Variants in GALNT10 observed in about 807,000 individuals in gnomAD.
GALNT10 encodes the protein polypeptide N-acetylgalactosaminyltransferase 10.
In GALNT10, 41 loss-of-function variants were observed where a neutral mutation model predicts 75.0. The observed-to-expected ratio is 0.55, with a 90% CI of 0.43 to 0.71. The LOEUF is 0.71. GALNT10 is among the 30% of genes least tolerant of loss of function. GALNT10 has a pLI of 0.00. For synonymous variants in GALNT10, 302 were observed against 313.0 expected (o/e 0.96, Z 0.37); for missense variants, 727 against 818.5 (o/e 0.89, Z 1.36).
chr5:154,320,076 C>A (rs878992316), intron 3 of GALNT10, among the ~76,000 whole-genome samples: 7 of 152,134 alleles, frequency 4.6e-5, no homozygotes, highest in Non-Finnish European at 5.9e-5. Context: ...AAACAAAGAA[C>A]CTCTACTAAG....
At chr5:154,245,285 G>A (rs114847921) in intron 1 of GALNT10, among the ~76,000 whole-genome samples, 3,219 of 152,276 alleles carry the variant, frequency 0.021, 46 homozygotes, top group Non-Finnish European at 0.031. Context: ...GTCACCAGTC[G>A]GATACGGGGA....
intron 1 of GALNT10, among the ~76,000 whole-genome samples, chr5:154,240,980 A>T (rs1303412134): frequency 6.6e-6 from 1 of 152,232 alleles, no homozygotes; most frequent in Non-Finnish European, 1.5e-5. Flanking sequence ...TGCATTTAGT[A>T]CAGCTTTCCA....
chr5:154,219,728 C>G (rs1752941461), intron 1 of GALNT10: 1 of 149,658 alleles, frequency 6.7e-6, no homozygotes, highest in Non-Finnish European at 1.5e-5. Context: ...TCTCAGTGAT[C>G]TTTCCAAGCC....
chr5:154,344,250 C>T (rs1367307035), intron 4 of GALNT10, among the ~76,000 whole-genome samples: 1 of 147,062 alleles, frequency 6.8e-6, no homozygotes, highest in Non-Finnish European at 1.5e-5. Context: ...CTCTGTCTGT[C>T]GCCCAGGCTG....
At chr5:154,347,303 G>C in intron 4 of GALNT10, 1 of 457,874 alleles carries the variant, frequency 2.2e-6, no homozygotes, top group Non-Finnish European at 4.2e-6. Flanking sequence ...TTTGGATCAA[G>C]AGTGATACAC....
intron 1 of GALNT10, among the ~76,000 whole-genome samples, chr5:154,222,715 G>C (rs988486046): frequency 6.6e-6 from 1 of 152,192 alleles, no homozygotes; most frequent in Admixed American, 6.5e-5. Context: ...CTGCCATGAA[G>C]AGCATCTCTT....
chr5:154,198,025 G>A (rs956524464), intron 1 of GALNT10, among the ~76,000 whole-genome samples: 1 of 152,184 alleles, frequency 6.6e-6, no homozygotes, highest in Non-Finnish European at 1.5e-5. Flanking sequence ...AGGTGAGAGG[G>A]ACCATTGCCC....
intron 3 of GALNT10, among the ~76,000 whole-genome samples, chr5:154,304,838 T>C (rs575156042): frequency 6.6e-6 from 1 of 152,328 alleles, no homozygotes; most frequent in East Asian, 1.9e-4. Context: ...AAGTATACAA[T>C]ATCATCTGAA....
chr5:154,203,812 C>T (rs865980589), intron 1 of GALNT10, among the ~76,000 whole-genome samples: 2 of 152,204 alleles, frequency 1.3e-5, no homozygotes, highest in African/African-American at 4.8e-5. Flanking sequence ...GGGCTTCCTC[C>T]TCTTTCGAAA....
In GALNT10 at chr5:154,298,010, A is replaced by C; in HGVS notation, c.332A>C (p.Asn111Thr). 6.2e-7 allele frequency: 1 copy of C among 1,613,550 alleles called. No individual in the cohort carries two copies. The highest frequency in any genetic ancestry group is 8.5e-7 in the Non-Finnish European group (1 of 1,179,454). The change falls in exon 3 of 12, where the codon AAT becomes ACT. Residue 111 changes from asparagine to threonine, a missense_variant. Transcript: ENST00000297107. This position sits in a 1 kb window ranked among gnomAD's most constrained non-coding sequence, Gnocchi z 4.1. ...AGAGTGGATCAGGCATACCGAGAAA[A>C]TGGATTTAACATCTACGTCAGTGAT... Reference protein sequence around the residue: ...AERVDQAYRENGFNIYVSDKI... With the variant: ...AERVDQAYRETGFNIYVSDKI...
chr5:154,327,686 A>G (rs1370476845), intron 3 of GALNT10, among the ~76,000 whole-genome samples: 1 of 152,238 alleles, frequency 6.6e-6, no homozygotes, highest in East Asian at 1.9e-4. Context: ...TGCCTTTCCT[A>G]TACTTTGGGG....
At chr5:154,231,969 C>T (rs771158064) in intron 1 of GALNT10, among the ~76,000 whole-genome samples, 2 of 152,190 alleles carry the variant, frequency 1.3e-5, no homozygotes, top group Non-Finnish European at 2.9e-5. Flanking sequence ...GTCACATGTC[C>T]TCACTGTATA....
chr5:154,368,575 A>T (rs1236832335), intron 4 of GALNT10, among the ~76,000 whole-genome samples: 1 of 152,208 alleles, frequency 6.6e-6, no homozygotes, highest in Non-Finnish European at 1.5e-5. Flanking sequence ...AAAGGAAAAC[A>T]AAGGTCCTCT....
At chr5:154,224,519 A>G (rs1459662133) in intron 1 of GALNT10, among the ~76,000 whole-genome samples, 9 of 152,376 alleles carry the variant, frequency 5.9e-5, no homozygotes, top group African/African-American at 2.2e-4. Flanking sequence ...TAATTCTGAT[A>G]AATGAGGTGG....
intron 1 of GALNT10, among the ~76,000 whole-genome samples, chr5:154,286,457 T>C (rs1301837006): frequency 6.6e-6 from 1 of 152,178 alleles, no homozygotes; most frequent in Non-Finnish European, 1.5e-5. Flanking sequence ...ATTGTTCTTT[T>C]AGAATGGAAG....
rs763537693 is a variant in GALNT10 at position 154,219,834 on chromosome 5, T to TCACACACA, written c.159+28810_159+28811insACACACAC. ...CGCGCTCTCTCTCTCTCTCTCTCTC[T>TCACACACA]CTCTCACACACACACACACACACAC... is the stretch of plus-strand genomic sequence containing the variant. On this transcript the variant is annotated intron_variant, in intron 1 of 11. Transcript: ENST00000297107. 7.5e-3 allele frequency among the ~76,000 whole-genome samples: 974 copies of TCACACACA among 129,674 alleles called. 13 individuals carry two copies. The highest frequency in any genetic ancestry group is 0.059 in the East Asian group (222 of 3,752). 85.1% of individuals were successfully genotyped at this position (129,674 alleles called of 152,430 possible).
At position 154,297,999 on chromosome 5, in the gene GALNT10, A is replaced by G. The variant is rs1487081331; in HGVS notation, c.321A>G (p.Ala107=). The change falls in exon 3 of 12, where the codon GCA becomes GCG. Residue 107 remains alanine (A), a synonymous_variant. Coordinates refer to ENST00000297107, the MANE Select transcript of GALNT10 (RefSeq NM_198321.4). ...PMTDAERVDQ[A]YRENGFNIYV... ...CCGATGCTGAGAGAGTGGATCAGGC[A>G]TACCGAGAAAATGGATTTAACATCT... is the stretch of plus-strand genomic sequence containing the variant. 1.1e-5 allele frequency: 18 copies of G among 1,613,358 alleles called. 1 individual carries two copies. The Admixed American group carries it at 2.2e-4, about 19-fold the overall frequency.
chr5:154,293,736 C>T (rs1754234529), intron 1 of GALNT10, among the ~76,000 whole-genome samples: 1 of 151,886 alleles, frequency 6.6e-6, no homozygotes, highest in Admixed American at 6.6e-5. Flanking sequence ...CTGCCATCTG[C>T]TTTTGCTTGC....
intron 4 of GALNT10, among the ~76,000 whole-genome samples, chr5:154,351,334 T>C (rs766319624): frequency 5.9e-5 from 9 of 152,212 alleles, no homozygotes; most frequent in Non-Finnish European, 8.8e-5. Context: ...CAAACCACTC[T>C]AGTGTGCAGC....
Sources: allele counts gnomAD v4.1 joint callset (sites outside exome capture counted in the v4.1 genomes callset), GRCh38; gene constraint gnomAD v4.1.1; non-coding constraint Gnocchi (gnomAD v3.1); transcripts MANE v1.5; gene names NCBI Gene and HGNC (gene_info 2026-07-23, HGNC 2026-07-21).